Variants in MYO6 observed in about 807,000 individuals in gnomAD.
MYO6 encodes the protein unconventional myosin-VI.
A neutral mutation model predicts 178.7 loss-of-function variants in MYO6; 74 were observed. That is an observed-to-expected ratio of 0.41 (90% CI 0.34 to 0.50). The LOEUF (loss-of-function observed/expected upper bound fraction) is 0.50, where lower values mean the gene tolerates loss of function less well. MYO6 is among the 20% of genes least tolerant of loss of function. MYO6 has a pLI of 0.09. For synonymous variants in MYO6, 477 were observed against 504.6 expected (o/e 0.95, Z 0.73); for missense variants, 1,330 against 1,547.4 (o/e 0.86, Z 2.36).
Position 75,823,243 on chromosome 6 carries a change from G to A in MYO6, c.187+392G>A, listed in dbSNP as rs918754045. 2.0e-5 allele frequency among the ~76,000 whole-genome samples: 3 copies of A among 152,132 alleles called. No individual in the cohort carries two copies. In the South Asian group the frequency reaches 6.2e-4, roughly 31 times the overall value. On this transcript the variant is annotated intron_variant, in intron 3 of 34. Transcript: ENST00000369977. ...TAGGAGTCATTTAACATCACCGTTTGAAGCAAACATGCATTTAAAAAAATT... is the reference window on the plus strand; with the variant it reads ...TAGGAGTCATTTAACATCACCGTTTAAAGCAAACATGCATTTAAAAAAATT...
chr6:75,773,544 A>T (rs1239711665), intron 1 of MYO6, among the ~76,000 whole-genome samples: 1 of 152,244 alleles, frequency 6.6e-6, no homozygotes, highest in Non-Finnish European at 1.5e-5. Context: ...TTATTCATTG[A>T]GAGTTGTTTG....
chr6:75,798,676 A>G (rs1319307459), intron 1 of MYO6, among the ~76,000 whole-genome samples: 1 of 152,244 alleles, frequency 6.6e-6, no homozygotes, highest in Non-Finnish European at 1.5e-5. Flanking sequence ...TGAACAGGCA[A>G]AAGCTGAAAC....
At chr6:75,872,837 T>G (rs2149326963) in intron 19 of MYO6, among the ~76,000 whole-genome samples, 1 of 151,964 alleles carries the variant, frequency 6.6e-6, no homozygotes, top group South Asian at 2.1e-4. Context: ...TGGAGTGCAG[T>G]GGCGTGATCT....
chr6:75,890,592 G>A (rs777191140), intron 26 of MYO6, among the ~76,000 whole-genome samples: 10 of 152,094 alleles, frequency 6.6e-5, no homozygotes, highest in Non-Finnish European at 1.3e-4. Flanking sequence ...GGATCCACCC[G>A]CCTCGGCCTC....
At chr6:75,845,329 A>C (rs1774624350) in intron 10 of MYO6, among the ~76,000 whole-genome samples, 1 of 152,176 alleles carries the variant, frequency 6.6e-6, no homozygotes, top group Admixed American at 6.5e-5. Flanking sequence ...GTCTTTTACA[A>C]TTTATTGTCT....
chr6:75,761,081 T>C (rs1273035755), intron 1 of MYO6, among the ~76,000 whole-genome samples: 2 of 152,188 alleles, frequency 1.3e-5, no homozygotes, highest in African/African-American at 4.8e-5. Flanking sequence ...GAAGAATGTA[T>C]TAGTTTCTCT....
chr6:75,871,939 C>T (rs1365909428), intron 19 of MYO6, among the ~76,000 whole-genome samples: 1 of 151,866 alleles, frequency 6.6e-6, no homozygotes, highest in Non-Finnish European at 1.5e-5. Context: ...CCAGCCTGCC[C>T]AATATGGTGA....
intron 1 of MYO6, among the ~76,000 whole-genome samples, chr6:75,753,961 A>G (rs1777120992): frequency 6.6e-6 from 1 of 152,218 alleles, no homozygotes; most frequent in South Asian, 2.1e-4. Flanking sequence ...AAGTCCACCA[A>G]AAGTTTTCCC....
At chr6:75,799,358 C>A (rs928856623) in intron 1 of MYO6, among the ~76,000 whole-genome samples, 2 of 150,196 alleles carry the variant, frequency 1.3e-5, no homozygotes, top group African/African-American at 4.9e-5. Flanking sequence ...CCATTGCCTT[C>A]CACCCCGGAC....
At chr6:75,830,668 A>G in intron 5 of MYO6, 123 bp downstream of exon 5, 6 of 941,314 alleles carry the variant, frequency 6.4e-6, no homozygotes, top group Non-Finnish European at 9.9e-6. Flanking sequence ...GAAACTGTAT[A>G]CCTCTTGGAT....
chr6:75,798,639 A>G (rs1769103405), intron 1 of MYO6, among the ~76,000 whole-genome samples: 1 of 152,208 alleles, frequency 6.6e-6, no homozygotes, highest in Admixed American at 6.5e-5. Context: ...TGAGTTGTCT[A>G]TGATAAACCC....
At chr6:75,796,937 A>G (rs1161415805) in intron 1 of MYO6, among the ~76,000 whole-genome samples, 1 of 152,122 alleles carries the variant, frequency 6.6e-6, no homozygotes, top group Non-Finnish European at 1.5e-5. Context: ...TAATGGCTGC[A>G]TAGTATTCCA....
intron 1 of MYO6, among the ~76,000 whole-genome samples, chr6:75,762,166 AC>A (rs1367013382): frequency 1.3e-5 from 2 of 152,068 alleles, no homozygotes; most frequent in Non-Finnish European, 2.9e-5. Context: ...CGATATCCTG[AC>A]CTCATGATCC....
chr6:75,758,606 T>A (rs937337875), intron 1 of MYO6, among the ~76,000 whole-genome samples: 3 of 150,888 alleles, frequency 2.0e-5, no homozygotes, highest in East Asian at 2.0e-4. Context: ...GACTACAGGC[T>A]CCCGCCACCA....
At chr6:75,865,488 C>T (rs752934688) in intron 16 of MYO6, among the ~76,000 whole-genome samples, 4 of 149,640 alleles carry the variant, frequency 2.7e-5, no homozygotes, top group Non-Finnish European at 5.9e-5. Context: ...CTTAGCCTCT[C>T]GAGTAGCTGG....
chr6:75,780,940 G>A (rs9447552), intron 1 of MYO6, among the ~76,000 whole-genome samples: 5,713 of 151,718 alleles, frequency 0.038, 214 homozygotes, highest in East Asian at 0.13. Flanking sequence ...CCCGAGTAGA[G>A]TAGCTGGGAC....
intron 1 of MYO6, among the ~76,000 whole-genome samples, chr6:75,814,464 A>G (rs982663325): frequency 6.6e-6 from 1 of 152,134 alleles, no homozygotes; most frequent in Non-Finnish European, 1.5e-5. Flanking sequence ...CTGAAGGGGA[A>G]GTGATTGCTG....
At chr6:75,771,684 T>C (rs1765908500) in intron 1 of MYO6, among the ~76,000 whole-genome samples, 2 of 152,198 alleles carry the variant, frequency 1.3e-5, no homozygotes, top group South Asian at 4.1e-4. Flanking sequence ...AACAATAGAA[T>C]TCACATTTGA....
chr6:75,861,026 C>T lies in MYO6; in HGVS notation c.1477C>T (p.Gln493Ter). 2 of 1,592,544 alleles carry T rather than the reference C, an allele frequency of 1.3e-6. No individual in the cohort carries two copies. Among genetic ancestry groups the T allele is most frequent in the Non-Finnish European group, 1.7e-6 (2 of 1,160,830 alleles). ...ATTATGATTATTTCATTTTTAGGAA[C>T]AAGAACTCTATCAAAAAGAAGGTTT... is the stretch of plus-strand genomic sequence containing the variant. ...FFNERILKEE[Q>*]ELYQKEGLGV... The change falls in exon 15 of 35, where the codon CAA (glutamine) becomes TAA (stop). Residue 493 changes from glutamine to a stop codon, truncating the protein, a stop_gained. Transcript: ENST00000369977. LOFTEE classifies it high-confidence loss of function.
Sources: gnomAD v4.1 joint callset for allele counts (sites outside exome capture counted in the v4.1 genomes callset) on GRCh38, gnomAD v4.1.1 for gene constraint, MANE v1.5 for transcripts, NCBI Gene and HGNC (gene_info 2026-07-23, HGNC 2026-07-21) for gene names.